RANBP2: variants seen among roughly 807,000 people sequenced by gnomAD.
The protein encoded by RANBP2 is RAN binding protein 2, also known as E3 SUMO-protein ligase RanBP2.
A neutral mutation model predicts 303.6 loss-of-function variants in RANBP2; 57 were observed. That is an observed-to-expected ratio of 0.19 (90% confidence interval 0.15 to 0.23). RANBP2 has a LOEUF of 0.23. Ranked by LOEUF, RANBP2 falls within the 10% of genes least tolerant of loss-of-function variation. The pLI, the probability that RANBP2 is intolerant of heterozygous loss-of-function variation, is 1.00. For missense variants in RANBP2, 3,138 were observed against 3,780.8 expected (o/e 0.83, Z 4.46); for synonymous variants, 1,167 against 1,301.5 (o/e 0.90, Z 2.23).
the RANBP2 span, among the ~76,000 whole-genome samples, chr2:109,219,005 C>G: frequency 6.6e-6 from 1 of 152,226 alleles, no homozygotes; most frequent in Non-Finnish European, 1.5e-5. Flanking sequence ...GTTATGGGCA[C>G]TGACCTCTCT....
chr2:109,100,502 G>A, the RANBP2 span, among the ~76,000 whole-genome samples: 1 of 152,110 alleles, frequency 6.6e-6, no homozygotes, highest in South Asian at 2.1e-4. Flanking sequence ...AAGGTTAGGG[G>A]CCACTTCTCT....
chr2:109,376,420 A>G, the RANBP2 span, among the ~76,000 whole-genome samples: 33 of 152,246 alleles, frequency 2.2e-4, no homozygotes, highest in Admixed American at 2.0e-3. Context: ...GGCTGCTCAC[A>G]CAGAGCCTGG....
chr2:109,341,801 C>T, the RANBP2 span, among the ~76,000 whole-genome samples: 1 of 152,194 alleles, frequency 6.6e-6, no homozygotes, highest in African/African-American at 2.4e-5. Flanking sequence ...GCAGGAATCA[C>T]TTTCACTTGC....
the RANBP2 span, among the ~76,000 whole-genome samples, chr2:109,574,017 G>C: frequency 6.6e-6 from 1 of 152,136 alleles, no homozygotes; most frequent in African/African-American, 2.4e-5. Context: ...GAATACCCAT[G>C]TTCTGGCATG....
chr2:108,737,586 C>T (rs1414746244), intron 6 of RANBP2, among the ~76,000 whole-genome samples: 3 of 142,868 alleles, frequency 2.1e-5, no homozygotes, highest in Non-Finnish European at 4.5e-5. Flanking sequence ...GAGTCTTGCT[C>T]TCGCCAGGCT....
chr2:108,775,802 C>T lies in RANBP2; in HGVS notation c.8363C>T (p.Pro2788Leu). The T allele has an allele frequency of 1.2e-6, 2 of 1,613,872 alleles. No individual in the cohort carries two copies. The highest frequency in any genetic ancestry group is 1.7e-6 in the Non-Finnish European group (2 of 1,179,922). The change falls in exon 24 of 29, where the codon CCT becomes CTT. Residue 2788 changes from proline to leucine, a missense_variant. Transcript: ENST00000283195. ...VYTGGTEVMVPSFCKSEEPDS... is the reference protein window; with the variant it reads ...VYTGGTEVMVLSFCKSEEPDS... ...ACAGGTGGGACTGAAGTGATGGTAC[C>T]TTCTTTCTGTAAATCTGAAGAACCT... is the stretch of plus-strand genomic sequence containing the variant.
chr2:109,238,000 G>A, the RANBP2 span, among the ~76,000 whole-genome samples: 2 of 152,190 alleles, frequency 1.3e-5, no homozygotes, highest in African/African-American at 4.8e-5. Context: ...GAGGTCAGGA[G>A]TTCAAAATCA....
the RANBP2 span, among the ~76,000 whole-genome samples, chr2:108,835,407 C>T: frequency 6.6e-6 from 1 of 152,022 alleles, no homozygotes; most frequent in East Asian, 1.9e-4. Flanking sequence ...GGATATTAAT[C>T]CTCTATTTCT....
chr2:109,159,756 G>T, the RANBP2 span, among the ~76,000 whole-genome samples: 1 of 152,266 alleles, frequency 6.6e-6, no homozygotes, highest in African/African-American at 2.4e-5. Context: ...GATTCTCACA[G>T]GAGCACAAAC....
chr2:109,490,519 A>T, the RANBP2 span: 1 of 1,108,084 alleles, frequency 9.0e-7, no homozygotes, highest in South Asian at 2.6e-5. Context: ...AAAGTTCCAC[A>T]TAGGAAGATG....
At chr2:109,165,922 A>C in the RANBP2 span, among the ~76,000 whole-genome samples, 1 of 152,174 alleles carries the variant, frequency 6.6e-6, no homozygotes, top group African/African-American at 2.4e-5. Context: ...ATGGGTGGTC[A>C]CTAGTTTTAT....
chr2:109,794,599 C>CCCCGGCCCGGCCGGGG, the RANBP2 span: 5 of 901,772 alleles, frequency 5.5e-6, no homozygotes, highest in African/African-American at 2.1e-5. Flanking sequence ...GCGGCGGCGG[C>CCCCGGCCCGGCCGGGG]GGCGGCGGCG....
intron 12 of RANBP2, 45 bp from the exon 13 acceptor site, chr2:108,752,952 TC>T (rs755260375): frequency 6.2e-7 from 1 of 1,605,646 alleles, no homozygotes; most frequent in African/African-American, 1.3e-5. Flanking sequence ...TTAGATCTAA[TC>T]ATGCGTGTTC....
At chr2:108,989,607 C>T in the RANBP2 span, among the ~76,000 whole-genome samples, 13 of 152,292 alleles carry the variant, frequency 8.5e-5, no homozygotes, top group South Asian at 1.2e-3. Flanking sequence ...ACCCATCCCC[C>T]GCACATCCCT....
At chr2:109,593,917 T>C in the RANBP2 span, among the ~76,000 whole-genome samples, 3 of 152,210 alleles carry the variant, frequency 2.0e-5, no homozygotes, top group African/African-American at 7.2e-5. Flanking sequence ...TGCTAGCTCA[T>C]TAAGTTTATT....
At chr2:109,615,649 C>A in the RANBP2 span, 1 of 1,613,786 alleles carries the variant, frequency 6.2e-7, no homozygotes, top group Admixed American at 1.7e-5. Flanking sequence ...CGGAGCATCG[C>A]CGAGGAGATC....
chr2:109,082,262 C>T, the RANBP2 span, among the ~76,000 whole-genome samples: 1 of 152,162 alleles, frequency 6.6e-6, no homozygotes, highest in African/African-American at 2.4e-5. Context: ...CAGTCAGCTC[C>T]TGGTATTCCT....
chr2:109,232,849 C>T, the RANBP2 span, among the ~76,000 whole-genome samples: 1 of 152,152 alleles, frequency 6.6e-6, no homozygotes, highest in Non-Finnish European at 1.5e-5. Flanking sequence ...TATCGAGGTT[C>T]AATTTATACA....
chr2:109,596,917 A>G, the RANBP2 span, among the ~76,000 whole-genome samples: 69 of 152,306 alleles, frequency 4.5e-4, no homozygotes, highest in Non-Finnish European at 8.4e-4. Flanking sequence ...AATACTGGAA[A>G]AGATTTTCTT....
Sources: gnomAD v4.1 joint callset for allele counts (sites outside exome capture counted in the v4.1 genomes callset) on GRCh38, gnomAD v4.1.1 for gene constraint, MANE v1.5 for transcripts, NCBI Gene and HGNC (gene_info 2026-07-23, HGNC 2026-07-21) for gene names.